The following SND1 variants were observed in gnomAD, a reference collection of about 807,000 sequenced individuals.
The protein encoded by SND1 is staphylococcal nuclease and tudor domain containing 1, also known as staphylococcal nuclease domain-containing protein 1.
A neutral mutation model predicts 121.7 loss-of-function variants in SND1; 38 were observed. That is an observed-to-expected ratio of 0.31 (90% CI 0.24 to 0.41). The LOEUF is 0.41. Ranked by LOEUF, SND1 falls within the 10% of genes least tolerant of loss-of-function variation. The pLI is 1.00. For missense variants in SND1, 868 were observed against 1,184.6 expected (o/e 0.73, Z 3.92); for synonymous variants, 401 against 447.4 (o/e 0.90, Z 1.31).
chr7:127,944,988 T>C (rs1801296368), intron 15 of SND1, among the ~76,000 whole-genome samples: 1 of 152,212 alleles, frequency 6.6e-6, no homozygotes, highest in Non-Finnish European at 1.5e-5. Flanking sequence ...TCCACCCTCC[T>C]GACTACATCC....
chr7:127,987,072 G>T (rs759482515), intron 15 of SND1, among the ~76,000 whole-genome samples: 6 of 152,220 alleles, frequency 3.9e-5, no homozygotes, highest in Non-Finnish European at 8.8e-5. Flanking sequence ...TATCAGAAAA[G>T]ACAGCTATTG....
At chr7:128,053,654 G>T (rs1793085960) in intron 16 of SND1, among the ~76,000 whole-genome samples, 1 of 152,022 alleles carries the variant, frequency 6.6e-6, no homozygotes, top group Non-Finnish European at 1.5e-5. Flanking sequence ...TGGGGTGGAA[G>T]GGGACTTACA....
chr7:127,950,754 G>A (rs943447060), intron 15 of SND1, among the ~76,000 whole-genome samples: 1 of 152,152 alleles, frequency 6.6e-6, no homozygotes, highest in Admixed American at 6.5e-5. Flanking sequence ...AATGGTGGCT[G>A]CAGATTAAAT....
intron 1 of SND1, among the ~76,000 whole-genome samples, chr7:127,666,460 T>G (rs1162868659): frequency 6.6e-6 from 1 of 152,110 alleles, no homozygotes; most frequent in Non-Finnish European, 1.5e-5. Flanking sequence ...TTGGAAGTGG[T>G]TGATGGCACA....
At chr7:127,839,974 G>A (rs936347133) in intron 11 of SND1, among the ~76,000 whole-genome samples, 2 of 152,164 alleles carry the variant, frequency 1.3e-5, no homozygotes, top group Non-Finnish European at 2.9e-5. Flanking sequence ...TGGTCCTCAG[G>A]ATGCCCTGCC....
intron 16 of SND1, among the ~76,000 whole-genome samples, chr7:128,040,679 G>T (rs1337296646): frequency 2.0e-5 from 3 of 152,168 alleles, no homozygotes; most frequent in African/African-American, 7.2e-5. Flanking sequence ...CTTTCTCCAT[G>T]TTTTTAATCT....
At chr7:127,996,245 G>A (rs1050975669) in intron 16 of SND1, among the ~76,000 whole-genome samples, 2 of 152,144 alleles carry the variant, frequency 1.3e-5, no homozygotes, top group African/African-American at 4.8e-5. Context: ...ATGAATATTG[G>A]TGTGTATTTA....
Position 127,704,856 on chromosome 7 carries a change from G to A in SND1, c.858G>A (p.Glu286=), listed in dbSNP as rs144683326. The change falls in exon 8 of 24, where the codon GAG becomes GAA. Residue 286 remains glutamate, a synonymous_variant. Transcript: ENST00000354725. ...TILHPNGNIT[E]LLLKEGFARC... ...TTTTTCAGAATGGCAACATCACAGA[G>A]CTCCTCCTGAAGGAAGGTTTCGCAC... is the stretch of plus-strand genomic sequence containing the variant. The A allele has an allele frequency of 2.3e-4, 372 of 1,613,970 alleles. 1 individual carries two copies. The African/African-American group carries it at 4.3e-3, about 19-fold the overall frequency.
chr7:127,694,754 A>G lies in SND1; in HGVS notation c.229-74A>G. On this transcript the variant is annotated intron_variant, in intron 2 of 23. Transcript: ENST00000354725. The stretch of plus-strand genomic sequence containing the variant: ...AGGTACTCAGACATTTACTGAAGGT[A>G]TGAAGTTGCTTGAATGCTGATTGGC... The G allele has an allele frequency of 6.4e-6, 10 of 1,569,464 alleles. No individual in the cohort carries two copies. In the South Asian group the frequency reaches 9.2e-5, roughly 14 times the overall value.
rs1431026385 is a variant in SND1 at position 127,889,248 on chromosome 7, T to G, written c.1454+1236T>G. On this transcript the variant is annotated intron_variant, in intron 13 of 23. Transcript: ENST00000354725. ...GATTGGTGTTTTCTCATAAACCTCC[T>G]TACTTTCTTCTCTCCCTACCTATAT... 2.0e-5 allele frequency among the ~76,000 whole-genome samples: 3 copies of G among 152,080 alleles called. No homozygotes were observed. In the East Asian group the frequency reaches 5.8e-4, roughly 29 times the overall value.
intron 10 of SND1, among the ~76,000 whole-genome samples, chr7:127,760,719 CTT>C (rs1212529778): frequency 6.6e-6 from 1 of 152,200 alleles, no homozygotes; most frequent in Non-Finnish European, 1.5e-5. Context: ...CCTCCACAAA[CTT>C]TTTTCCCTTA....
intron 6 of SND1, among the ~76,000 whole-genome samples, chr7:127,702,767 A>G (rs907824186): frequency 6.6e-6 from 1 of 152,202 alleles, no homozygotes; most frequent in African/African-American, 2.4e-5. Flanking sequence ...TTAAGTATGT[A>G]AACCTAGAGA....
intron 16 of SND1, among the ~76,000 whole-genome samples, chr7:128,072,507 CA>C (rs1267490245): frequency 6.6e-6 from 1 of 152,242 alleles, no homozygotes; most frequent in Non-Finnish European, 1.5e-5. Flanking sequence ...ACAAGGCAAG[CA>C]ACCTCTCTGT....
At chr7:127,904,420 G>T (rs1224465399) in intron 13 of SND1, 2 of 184,792 alleles carry the variant, frequency 1.1e-5, no homozygotes, top group Admixed American at 1.2e-4. Flanking sequence ...TCTTAGGCCT[G>T]TGCTCCTCTA....
chr7:127,847,200 A>G (rs542459031), intron 12 of SND1, among the ~76,000 whole-genome samples: 243 of 152,232 alleles, frequency 1.6e-3, no homozygotes, highest in African/African-American at 5.2e-3. Context: ...TGAACCCCGG[A>G]GGCGGGAGTT....
At chr7:128,014,109 C>G (rs1803173372) in intron 16 of SND1, among the ~76,000 whole-genome samples, 1 of 152,176 alleles carries the variant, frequency 6.6e-6, no homozygotes, top group Non-Finnish European at 1.5e-5. Flanking sequence ...TAACACCTGG[C>G]CACTTCTTTT....
At chr7:127,703,398 C>T in intron 7 of SND1, 75 bp downstream of exon 7, 1 of 1,515,172 alleles carries the variant, frequency 6.6e-7, no homozygotes, top group Non-Finnish European at 9.0e-7. Context: ...GGGTTTGCTT[C>T]TCTTTCTCTG....
chr7:127,717,823 CA>C lies in SND1; in HGVS notation c.1039-3459del, dbSNP rs1202801076. 1.3e-5 allele frequency among the ~76,000 whole-genome samples: 2 copies of C among 152,178 alleles called. 1 individual carries two copies. Among genetic ancestry groups the C allele is most frequent in the East Asian group, 3.9e-4 (2 of 5,176 alleles). On this transcript the variant is annotated intron_variant, in intron 9 of 23. Coordinates refer to ENST00000354725, the MANE Select transcript of SND1 (RefSeq NM_014390.4). ...GTCCACAGCTCAGGAAGCTGTTGAA[CA>C]AAAAGGAAGCTTTTTTGTTTGTTTT...
chr7:128,056,519 G>A (rs960585347), intron 16 of SND1, among the ~76,000 whole-genome samples: 3 of 152,164 alleles, frequency 2.0e-5, no homozygotes, highest in South Asian at 2.1e-4. Context: ...CATTTCATTC[G>A]ATTCATTTAG....
Sources: allele counts gnomAD v4.1 joint callset (sites outside exome capture counted in the v4.1 genomes callset), GRCh38; gene constraint gnomAD v4.1.1; transcripts MANE v1.5; gene names NCBI Gene and HGNC (gene_info 2026-07-23, HGNC 2026-07-21).